HMBOX1: variants seen among roughly 807,000 people sequenced by gnomAD.
The protein encoded by HMBOX1 is homeobox containing 1, also known as homeobox-containing protein 1.
In HMBOX1, 14 loss-of-function variants were observed where a neutral mutation model predicts 54.5. The observed-to-expected ratio is 0.26, with a 90% CI of 0.17 to 0.40. The LOEUF (loss-of-function observed/expected upper bound fraction) is 0.40, where lower values mean the gene tolerates loss of function less well. Ranked by LOEUF, HMBOX1 falls within the 10% of genes least tolerant of loss-of-function variation. The pLI, the probability that HMBOX1 is intolerant of heterozygous loss-of-function variation, is 1.00. For missense variants in HMBOX1, 332 were observed against 514.4 expected, an observed-to-expected ratio of 0.65 and a Z score of 3.43; for synonymous variants, 160 against 181.0, an observed-to-expected ratio of 0.88 and a Z score of 0.93.
In HMBOX1 at chr8:29,037,911, T is replaced by C. The variant is rs144752141; in HGVS notation, c.852-7450T>C. ...ACTGCCCAGTAAGTTTACTTGGTGA[T>C]GAAGAAATACACACTGAATTGTAGT... On this transcript the variant is annotated intron_variant, in intron 6 of 9. Transcript: ENST00000287701. 1.5e-3 allele frequency among the ~76,000 whole-genome samples: 236 copies of C among 152,310 alleles called. 1 individual carries two copies. Among genetic ancestry groups the C allele is most frequent in the African/African-American group, 5.4e-3 (223 of 41,576 alleles).
chr8:28,960,283 T>C (rs1357250378), intron 1 of HMBOX1, among the ~76,000 whole-genome samples: 1 of 143,886 alleles, frequency 6.9e-6, no homozygotes, highest in Non-Finnish European at 1.5e-5. Flanking sequence ...TGTCACAGTG[T>C]ATTGTTATGT....
chr8:28,985,034 A>G (rs28412339), intron 4 of HMBOX1, among the ~76,000 whole-genome samples: 3,791 of 152,314 alleles, frequency 0.025, 154 homozygotes, highest in African/African-American at 0.087. Flanking sequence ...TTCTGCCATA[A>G]AATAGCCTTG....
intron 6 of HMBOX1, among the ~76,000 whole-genome samples, chr8:29,043,945 G>GGT (rs1270137846): frequency 6.6e-6 from 1 of 152,168 alleles, no homozygotes; most frequent in Non-Finnish European, 1.5e-5. Flanking sequence ...AGAAGACCAT[G>GGT]GTGGAGGGTG....
intron 4 of HMBOX1, 99 bp from the exon 5 acceptor site, chr8:29,008,973 A>T (rs185766969): frequency 1.2e-6 from 1 of 841,926 alleles, no homozygotes; most frequent in Non-Finnish European, 1.9e-6. Context: ...TGGACTGGAC[A>T]CAGAGAATAA....
intron 1 of HMBOX1, among the ~76,000 whole-genome samples, chr8:28,909,880 C>T (rs764649569): frequency 5.3e-5 from 8 of 151,594 alleles, no homozygotes; most frequent in Non-Finnish European, 1.2e-4. Flanking sequence ...CCATTTTTGG[C>T]TCAAATGGGT....
At chr8:29,028,366 A>G (rs889359938) in intron 6 of HMBOX1, among the ~76,000 whole-genome samples, 1 of 152,198 alleles carries the variant, frequency 6.6e-6, no homozygotes, top group African/African-American at 2.4e-5. Context: ...CAAGGATGCT[A>G]TACATCCTGG....
At chr8:28,991,536 G>A (rs940084094) in intron 4 of HMBOX1, among the ~76,000 whole-genome samples, 1 of 152,120 alleles carries the variant, frequency 6.6e-6, no homozygotes, top group Non-Finnish European at 1.5e-5. Flanking sequence ...TTTAAAGTAC[G>A]AGGCCAATAT....
chr8:29,009,660 A>G (rs773929423), intron 5 of HMBOX1: 1 of 1,277,708 alleles, frequency 7.8e-7, no homozygotes, highest in Non-Finnish European at 1.0e-6. Context: ...TGACCTGGGT[A>G]ATGGATGTAT....
chr8:29,006,611 T>G (rs947747112), intron 4 of HMBOX1, among the ~76,000 whole-genome samples: 1 of 152,212 alleles, frequency 6.6e-6, no homozygotes, highest in Non-Finnish European at 1.5e-5. Context: ...GCTTTTTTGT[T>G]GTAGTTTTCT....
At chr8:29,002,729 TTAAAA>T (rs1485371845) in intron 4 of HMBOX1, among the ~76,000 whole-genome samples, 7 of 152,244 alleles carry the variant, frequency 4.6e-5, no homozygotes, top group Non-Finnish European at 1.0e-4. Flanking sequence ...AAATCCTGTG[TTAAAA>T]TAAAACTACT....
Position 29,045,594 on chromosome 8 carries a change from G to C in HMBOX1, c.934+151G>C, listed in dbSNP as rs919323828. Reference sequence around the variant, plus strand: ...CCGCAGGTGGCCAGTGCCCTGTCCTGCTCACACAGTACTTCTGAGGGATGT... The same window carrying C: ...CCGCAGGTGGCCAGTGCCCTGTCCTCCTCACACAGTACTTCTGAGGGATGT... On this transcript the variant is annotated intron_variant, in intron 7 of 9. Transcript: ENST00000287701. 4.9e-6 allele frequency: 3 copies of C among 610,774 alleles called. No individual in the cohort carries two copies. In the African/African-American group the frequency reaches 5.5e-5, roughly 11 times the overall value. The allele number at this position is 610,774 out of a possible 1,614,324, so 37.8% of individuals were successfully genotyped here.
intron 1 of HMBOX1, among the ~76,000 whole-genome samples, chr8:28,934,838 A>T (rs888488323): frequency 2.0e-5 from 3 of 152,002 alleles, no homozygotes; most frequent in African/African-American, 7.2e-5. Context: ...GAGGCAGGAG[A>T]ATGGCGTGAA....
chr8:28,960,781 T>TTTTTTTTTTTTTTTTTTTTTTTTTTTG (rs1825422439), intron 1 of HMBOX1, among the ~76,000 whole-genome samples: 1 of 45,346 alleles, frequency 2.2e-5, no homozygotes, highest in African/African-American at 7.1e-5. Context: ...TTTTTTTTTT[T>TTTTTTTTTTTTTTTTTTTTTTTTTTTG]TTTTTTTTTT....
chr8:29,008,287 T>C (rs2132827647), intron 4 of HMBOX1, among the ~76,000 whole-genome samples: 1 of 152,338 alleles, frequency 6.6e-6, no homozygotes, highest in South Asian at 2.1e-4. Flanking sequence ...ATTCTCATAC[T>C]AGTAAGTTTT....
chr8:28,986,024 T>G (rs1014672428), intron 4 of HMBOX1, among the ~76,000 whole-genome samples: 3 of 152,196 alleles, frequency 2.0e-5, no homozygotes, highest in African/African-American at 7.2e-5. Context: ...TATCCACCAT[T>G]GTAGTATCAC....
In HMBOX1 at chr8:29,009,930, G is replaced by A. The variant is rs1443989760; in HGVS notation, c.697+748G>A. The A allele has an allele frequency of 9.2e-6, 10 of 1,090,352 alleles. 1 individual carries two copies. Among genetic ancestry groups the A allele is most frequent in the Admixed American group, 5.2e-5 (1 of 19,270 alleles). The allele number at this position is 1,090,352 out of a possible 1,614,324, so 67.5% of individuals were successfully genotyped here. On this transcript the variant is annotated intron_variant, in intron 5 of 9. Coordinates refer to ENST00000287701, the MANE Select transcript of HMBOX1 (RefSeq NM_001135726.3). ...ATGTGTAAATTTAAGATTGGGTTGCGTTCTGTAATGCTGCAGCCTCAAAGC... is the reference window on the plus strand; with the variant it reads ...ATGTGTAAATTTAAGATTGGGTTGCATTCTGTAATGCTGCAGCCTCAAAGC...
chr8:28,945,962 T>C (rs997139186), intron 1 of HMBOX1, among the ~76,000 whole-genome samples: 5 of 149,938 alleles, frequency 3.3e-5, no homozygotes, highest in Non-Finnish European at 5.9e-5. Context: ...TTTTTTTTTT[T>C]CCTTTATTGA....
At chr8:28,906,957 G>C (rs1814457899) in intron 1 of HMBOX1, among the ~76,000 whole-genome samples, 1 of 152,080 alleles carries the variant, frequency 6.6e-6, no homozygotes, top group Non-Finnish European at 1.5e-5. Flanking sequence ...ATGGTAAATT[G>C]CAAGTCAGTT....
chr8:28,926,898 A>G (rs1429541838), intron 1 of HMBOX1, among the ~76,000 whole-genome samples: 1 of 152,198 alleles, frequency 6.6e-6, no homozygotes, highest in Non-Finnish European at 1.5e-5. Flanking sequence ...AAGTTTTTCC[A>G]TAGCAATTTT....
Sources: gnomAD v4.1 joint callset for allele counts (sites outside exome capture counted in the v4.1 genomes callset) on GRCh38, gnomAD v4.1.1 for gene constraint, MANE v1.5 for transcripts, NCBI Gene and HGNC (gene_info 2026-07-23, HGNC 2026-07-21) for gene names.